The following BRAF variants were observed in gnomAD, a reference collection of about 807,000 sequenced individuals.
BRAF encodes serine/threonine-protein kinase B-raf.
A neutral mutation model predicts 104.6 loss-of-function variants in BRAF; 16 were observed. The ratio of observed to expected loss-of-function variants is 0.15; its 90% CI spans 0.10 to 0.23. The LOEUF (loss-of-function observed/expected upper bound fraction) is 0.23. BRAF is among the 10% of genes least tolerant of loss of function. BRAF has a pLI of 1.00. For synonymous variants in BRAF, 310 were observed against 341.6 expected, an observed-to-expected ratio of 0.91 and a Z score of 1.02; for missense variants, 541 against 937.3, an observed-to-expected ratio of 0.58 and a Z score of 5.52.
Position 140,875,939 on chromosome 7 carries a change from T to C in BRAF, c.139-25727A>G, listed in dbSNP as rs77139735. 7.7e-3 allele frequency among the ~76,000 whole-genome samples: 1,177 copies of C among 152,324 alleles called. 18 individuals are homozygous for C. The highest frequency in any genetic ancestry group is 0.027 in the African/African-American group (1,111 of 41,564). ...ACCAGCAGACCTGTTCTAAAAGAATTGCTAAAAGAAATTCCTCACACAGAA... is the reference window on the plus strand; with the variant it reads ...ACCAGCAGACCTGTTCTAAAAGAATCGCTAAAAGAAATTCCTCACACAGAA... On this transcript the variant is annotated intron_variant, in intron 1 of 19. Coordinates refer to ENST00000644969, the MANE Select transcript of BRAF (RefSeq NM_001374258.1).
intron 6 of BRAF, among the ~76,000 whole-genome samples, 155 bp from the exon 7 acceptor site, chr7:140,800,636 T>TA (rs939015613): frequency 7.9e-5 from 12 of 152,216 alleles, no homozygotes; most frequent in East Asian, 5.8e-4. Flanking sequence ...AGGCTTATTT[T>TA]AAAAAAAATT....
chr7:140,903,179 G>A (rs1815867639), intron 1 of BRAF, among the ~76,000 whole-genome samples: 1 of 152,036 alleles, frequency 6.6e-6, no homozygotes, highest in Non-Finnish European at 1.5e-5. Context: ...GCCCACCTCG[G>A]CCTCCCAAAG....
intron 3 of BRAF, among the ~76,000 whole-genome samples, chr7:140,816,451 G>A (rs529578913): frequency 2.0e-5 from 3 of 152,180 alleles, no homozygotes; most frequent in East Asian, 1.9e-4. Flanking sequence ...TCTGGTATTC[G>A]TTTTATTGCT....
intron 17 of BRAF, 119 bp downstream of exon 16, chr7:140,749,168 G>T: frequency 7.2e-7 from 1 of 1,385,952 alleles, no homozygotes; most frequent in Non-Finnish European, 1.0e-6. Flanking sequence ...TCTAAAACTG[G>T]TAACAAAAAA....
At position 140,725,985 on chromosome 7, in the gene BRAF, T is replaced by C. The variant is rs750719382; in HGVS notation, c.*509A>G. ...CACATAGAAAGGGCAAGCTGCATTT[T>C]TGTTCCATCCCTCAGAAACTAACTG... On this transcript the variant is annotated 3_prime_UTR_variant, in exon 20 of 20. Coordinates refer to ENST00000644969, the MANE Select transcript of BRAF (RefSeq NM_001374258.1). The C allele has an allele frequency of 3.7e-5, 40 of 1,067,306 alleles. No individual in the cohort carries two copies. The highest frequency in any genetic ancestry group is 4.5e-5 in the Non-Finnish European group (40 of 880,810). The allele number at this position is 1,067,306 out of a possible 1,614,324, so 66.1% of individuals were successfully genotyped here.
intron 1 of BRAF, among the ~76,000 whole-genome samples, chr7:140,881,078 CT>C (rs1455471927): frequency 2.6e-5 from 4 of 152,178 alleles, no homozygotes; most frequent in East Asian, 1.9e-4. Flanking sequence ...TGGAAGGGAT[CT>C]TTTTTTCTTC....
chr7:140,770,525 G>GC (rs944212504), intron 14 of BRAF, among the ~76,000 whole-genome samples: 1 of 88,240 alleles, frequency 1.1e-5, no homozygotes, highest in Non-Finnish European at 1.9e-5. Context: ...TATAAGGCCT[G>GC]CCAAAAAAAA....
chr7:140,766,226 T>C (rs1799306619), intron 14 of BRAF, among the ~76,000 whole-genome samples: 1 of 150,360 alleles, frequency 6.7e-6, no homozygotes, highest in Admixed American at 6.6e-5. Flanking sequence ...CACTCATAGA[T>C]GGGAATTGAA....
In BRAF at chr7:140,725,573, G is replaced by A; in HGVS notation, c.*921C>T. 4 of 1,055,210 alleles carry A rather than the reference G, an allele frequency of 3.8e-6. No individual in the cohort carries two copies. The highest frequency in any genetic ancestry group is 3.4e-6 in the Non-Finnish European group (3 of 872,952). 65.4% of individuals were successfully genotyped at this position (1,055,210 alleles called of 1,614,324 possible). A position where few individuals can be genotyped will look rare whatever the true frequency, so the allele number is the denominator to read the frequency against. ...ACTGTTATTAAGCAGTTTTGTGGGG[G>A]TTTAGTTAGATACTGCCACGGCATT... is the stretch of plus-strand genomic sequence containing the variant. On this transcript the variant is annotated 3_prime_UTR_variant, in exon 20 of 20. Transcript: ENST00000644969.
At chr7:140,813,955 T>A (rs1241156951) in intron 3 of BRAF, among the ~76,000 whole-genome samples, 1 of 151,732 alleles carries the variant, frequency 6.6e-6, no homozygotes. Flanking sequence ...CAGAGAAAAT[T>A]GGATGTATAT....
intron 7 of BRAF, among the ~76,000 whole-genome samples, chr7:140,796,244 A>G (rs999841065): frequency 1.3e-5 from 2 of 151,786 alleles, no homozygotes; most frequent in African/African-American, 2.4e-5. Flanking sequence ...CCAGCTACTC[A>G]GGGGGCTGAG....
Position 140,901,858 on chromosome 7 carries a change from C to CTTTG in BRAF, c.138+22707_138+22708insCAAA, listed in dbSNP as rs548604489. 1.1e-4 allele frequency among the ~76,000 whole-genome samples: 16 copies of CTTTG among 152,314 alleles called. No individual in the cohort carries two copies. In the South Asian group the frequency reaches 1.5e-3, roughly 14 times the overall value. On this transcript the variant is annotated intron_variant, in intron 1 of 19. Coordinates refer to ENST00000644969, the MANE Select transcript of BRAF (RefSeq NM_001374258.1). The stretch of plus-strand genomic sequence containing the variant: ...TCATCACAGTACACTGTCCTTAATT[C>CTTTG]TTTATTTATCTACTTCTACCACTTA...
chr7:140,770,016 G>C (rs1799688809), intron 14 of BRAF, among the ~76,000 whole-genome samples: 1 of 151,910 alleles, frequency 6.6e-6, no homozygotes. Context: ...AAGGTGGCTG[G>C]TTGCATCAGA....
chr7:140,871,239 C>CAA lies in BRAF; in HGVS notation c.139-21029_139-21028dup, dbSNP rs11284186. Among the ~76,000 whole-genome samples the CAA allele has an allele frequency of 5.3e-3, 313 of 58,926 alleles. 1 individual carries two copies. The highest frequency in any genetic ancestry group is 0.01 in the Middle Eastern group (1 of 98). The allele number at this position is 58,926 out of a possible 152,430, so 38.7% of individuals were successfully genotyped here. On this transcript the variant is annotated intron_variant, in intron 1 of 19. Coordinates refer to ENST00000644969, the MANE Select transcript of BRAF (RefSeq NM_001374258.1). Reference sequence around the variant, plus strand: ...TGGGGGACAGAGCAAGACTCCGTCTCAAAAAAAAAAAAAAAAAAAAAAAGA... The same window carrying CAA: ...TGGGGGACAGAGCAAGACTCCGTCTCAAAAAAAAAAAAAAAAAAAAAAAAAGA...
At chr7:140,759,063 G>A (rs1345220577) in intron 14 of BRAF, among the ~76,000 whole-genome samples, 1 of 152,172 alleles carries the variant, frequency 6.6e-6, no homozygotes, top group Admixed American at 6.5e-5. Context: ...TGAGATTCAC[G>A]CACTGGCTGC....
chr7:140,781,739 G>T (rs2129024124), intron 11 of BRAF, 46 bp from the exon 11 acceptor site: 3 of 1,489,068 alleles, frequency 2.0e-6, no homozygotes, highest in Non-Finnish European at 2.8e-6. Context: ...AACAGAAAAA[G>T]AAAACCTTAT....
chr7:140,842,370 T>A (rs185065594), intron 2 of BRAF, among the ~76,000 whole-genome samples: 1 of 152,268 alleles, frequency 6.6e-6, no homozygotes, highest in East Asian at 1.9e-4. Flanking sequence ...TGAACTAATA[T>A]ATGATTAGTA....
intron 11 of BRAF, 68 bp downstream of exon 10, chr7:140,782,953 A>C: frequency 6.5e-7 from 1 of 1,547,154 alleles, no homozygotes; most frequent in Non-Finnish European, 8.9e-7. Flanking sequence ...CTAAAGGATA[A>C]TATTACATTT....
chr7:140,714,965 C>T (rs888642238), downstream of BRAF, among the ~76,000 whole-genome samples: 1 of 152,122 alleles, frequency 6.6e-6, no homozygotes, highest in African/African-American at 2.4e-5. Flanking sequence ...CAAGGTCTCG[C>T]ATGGGACCAC....
Sources: allele counts gnomAD v4.1 joint callset (sites outside exome capture counted in the v4.1 genomes callset), GRCh38; gene constraint gnomAD v4.1.1; transcripts MANE v1.5; gene names NCBI Gene and HGNC (gene_info 2026-07-23, HGNC 2026-07-21).